The following HPSE2 variants were observed in gnomAD, a reference collection of about 807,000 sequenced individuals.
The protein encoded by HPSE2 is heparanase 2 (inactive), also known as inactive heparanase-2.
Under a neutral mutation model 60.5 loss-of-function variants are expected in HPSE2, and 38 were observed. The ratio of observed to expected loss-of-function variants is 0.63; its 90% confidence interval spans 0.48 to 0.82. The LOEUF (loss-of-function observed/expected upper bound fraction) is 0.82, where lower values mean the gene tolerates loss of function less well. Among genes scored for constraint, HPSE2 ranks in the 40% least tolerant of loss-of-function variants. The probability of loss-of-function intolerance (pLI) is 0.00; values close to 1 mark genes in which losing one functional copy is unlikely to be tolerated. For synonymous variants in HPSE2, 295 were observed against 293.2 expected, an observed-to-expected ratio of 1.01 and a Z score of -0.06; for missense variants, 713 against 740.4, an observed-to-expected ratio of 0.96 and a Z score of 0.43.
intron 3 of HPSE2, among the ~76,000 whole-genome samples, chr10:99,028,150 G>C (rs550179252): frequency 6.6e-6 from 1 of 152,214 alleles, no homozygotes; most frequent in Non-Finnish European, 1.5e-5. Context: ...GTCCTAGCTA[G>C]AGCAACCAGA....
intron 3 of HPSE2, among the ~76,000 whole-genome samples, chr10:98,862,643 C>G (rs1449363294): frequency 6.6e-6 from 1 of 152,114 alleles, no homozygotes. Flanking sequence ...CCTATAGAAG[C>G]TTTTGGGATA....
chr10:98,733,518 C>T (rs1949278785), intron 4 of HPSE2, among the ~76,000 whole-genome samples: 1 of 152,156 alleles, frequency 6.6e-6, no homozygotes, highest in Admixed American at 6.5e-5. Context: ...AGAAAACGTA[C>T]TTCACTTTCT....
intron 3 of HPSE2, chr10:99,013,147 A>G: frequency 1.5e-6 from 1 of 674,910 alleles, no homozygotes; most frequent in Non-Finnish European, 2.8e-6. Flanking sequence ...CCTTGGCACA[A>G]TCCCTCACCA....
chr10:99,216,505 CTT>C (rs915511551), intron 2 of HPSE2, among the ~76,000 whole-genome samples: 1 of 151,964 alleles, frequency 6.6e-6, no homozygotes, highest in Non-Finnish European at 1.5e-5. Flanking sequence ...AACCTAGACT[CTT>C]ATAAACATTT....
chr10:98,955,878 T>C (rs1296710722), intron 3 of HPSE2, among the ~76,000 whole-genome samples: 2 of 152,238 alleles, frequency 1.3e-5, no homozygotes, highest in Admixed American at 1.3e-4. Flanking sequence ...ACACTGCATG[T>C]TCTCACTTAT....
At chr10:98,667,224 C>T (rs558910339) in intron 6 of HPSE2, among the ~76,000 whole-genome samples, 9 of 151,962 alleles carry the variant, frequency 5.9e-5, no homozygotes, top group East Asian at 1.9e-4. Flanking sequence ...AAGATTGAAC[C>T]AGGAGGAAAG....
chr10:99,209,156 A>G (rs1848867974), intron 2 of HPSE2, among the ~76,000 whole-genome samples: 1 of 152,218 alleles, frequency 6.6e-6, no homozygotes, highest in Non-Finnish European at 1.5e-5. Context: ...ACAGACATAT[A>G]TAAAACATTC....
chr10:99,195,816 T>A (rs192324172), intron 2 of HPSE2, among the ~76,000 whole-genome samples: 2 of 150,362 alleles, frequency 1.3e-5, no homozygotes, highest in Admixed American at 6.7e-5. Flanking sequence ...GCAATCCCTA[T>A]CAAAATATCA....
At chr10:99,199,246 T>A (rs1589811626) in intron 2 of HPSE2, among the ~76,000 whole-genome samples, 1 of 152,160 alleles carries the variant, frequency 6.6e-6, no homozygotes, top group African/African-American at 2.4e-5. Flanking sequence ...GGAACTTCCA[T>A]ACTGTTTTAC....
intron 3 of HPSE2, among the ~76,000 whole-genome samples, chr10:99,078,034 C>T (rs903282652): frequency 6.6e-6 from 1 of 152,062 alleles, no homozygotes; most frequent in Non-Finnish European, 1.5e-5. Context: ...GTCTTGCTCC[C>T]GTTCCATGTG....
intron 9 of HPSE2, among the ~76,000 whole-genome samples, chr10:98,583,031 G>C (rs894242784): frequency 6.6e-6 from 1 of 152,072 alleles, no homozygotes; most frequent in African/African-American, 2.4e-5. Context: ...ACGAAGACTA[G>C]GGGGGCATAG....
chr10:98,754,717 G>GA (rs1949838043), intron 3 of HPSE2, among the ~76,000 whole-genome samples: 1 of 146,974 alleles, frequency 6.8e-6, no homozygotes, highest in Non-Finnish European at 1.5e-5. Context: ...CATTCTTAAA[G>GA]AAAAAAAATT....
At chr10:98,688,432 G>A (rs896791742) in intron 6 of HPSE2, among the ~76,000 whole-genome samples, 11 of 129,668 alleles carry the variant, frequency 8.5e-5, no homozygotes, top group African/African-American at 3.1e-4. Context: ...TGGTGCTACT[G>A]TCTTTCTGTC....
rs539343682 is a variant in HPSE2 at position 98,994,759 on chromosome 10, G to A, written c.610+149479C>T. On this transcript the variant is annotated intron_variant, in intron 3 of 11. Transcript: ENST00000370552. ...GCATGGACAAGAGGCTGTAGGAATT[G>A]TGGTCCACTCACATCTTAGTCTCAA... Among the ~76,000 whole-genome samples, 5 of 152,312 alleles carry A rather than the reference G, an allele frequency of 3.3e-5. No homozygotes were observed. In the South Asian group the frequency reaches 1.0e-3, roughly 32 times the overall value.
chr10:99,202,986 C>T (rs577877069), intron 2 of HPSE2, among the ~76,000 whole-genome samples: 1 of 152,264 alleles, frequency 6.6e-6, no homozygotes, highest in South Asian at 2.1e-4. Context: ...AAACTGGGCC[C>T]TCCTCAGTAA....
intron 3 of HPSE2, among the ~76,000 whole-genome samples, chr10:99,107,369 A>AT (rs1844289875): frequency 6.6e-6 from 1 of 152,056 alleles, no homozygotes; most frequent in Non-Finnish European, 1.5e-5. Context: ...TGATACTGCA[A>AT]TTTTTTGAAA....
chr10:98,978,053 C>A lies in HPSE2; in HGVS notation c.610+166185G>T, dbSNP rs114123787. Among the ~76,000 whole-genome samples, 881 of 151,960 alleles carry A rather than the reference C, an allele frequency of 5.8e-3. 9 individuals are homozygous for A. Among genetic ancestry groups the A allele is most frequent in the African/African-American group, 0.02 (825 of 41,468 alleles). On this transcript the variant is annotated intron_variant, in intron 3 of 11. Transcript: ENST00000370552. ...AAACTCGGAGACAATAAATATAATG[C>A]CCAAATCCACATAGCTAGTACAAGG...
chr10:99,203,061 C>A (rs1217342595), intron 2 of HPSE2, among the ~76,000 whole-genome samples: 1 of 152,144 alleles, frequency 6.6e-6, no homozygotes, highest in East Asian at 1.9e-4. Flanking sequence ...TCATGCCAAG[C>A]CAGATCCTGC....
chr10:98,809,791 C>T (rs1269542907), intron 3 of HPSE2, among the ~76,000 whole-genome samples: 1 of 152,116 alleles, frequency 6.6e-6, no homozygotes, highest in Non-Finnish European at 1.5e-5. Context: ...AAGCATGCTA[C>T]ATATTGAAGG....
Sources: allele counts gnomAD v4.1 joint callset (sites outside exome capture counted in the v4.1 genomes callset), GRCh38; gene constraint gnomAD v4.1.1; transcripts MANE v1.5; gene names NCBI Gene and HGNC (gene_info 2026-07-23, HGNC 2026-07-21).